Variants in MYPN observed in about 807,000 individuals in gnomAD.
MYPN encodes sarcomeric protein myopalladin, 145 kDa (MYOP).
A neutral mutation model predicts 129.4 loss-of-function variants in MYPN; 63 were observed. The observed-to-expected ratio is 0.49, with a 90% CI of 0.40 to 0.60. MYPN has a LOEUF of 0.60. Ranked by LOEUF, MYPN falls within the 20% of genes least tolerant of loss-of-function variation. The pLI is 0.00. For missense variants in MYPN, 1,596 were observed against 1,635.4 expected (o/e 0.98, Z 0.42); for synonymous variants, 629 against 600.9 (o/e 1.05, Z -0.68).
intron 1 of MYPN, among the ~76,000 whole-genome samples, chr10:68,115,201 G>A (rs1310080270): frequency 1.3e-5 from 2 of 149,024 alleles, no homozygotes; most frequent in Non-Finnish European, 3.0e-5. Flanking sequence ...AGAGGTTGCA[G>A]TGAGCGGAAA....
At chr10:68,188,703 G>T (rs1021241259) in intron 12 of MYPN, among the ~76,000 whole-genome samples, 9 of 152,146 alleles carry the variant, frequency 5.9e-5, no homozygotes, top group African/African-American at 2.2e-4. Context: ...ATTCACTAAG[G>T]CCGTGTGGGA....
At chr10:68,175,608 T>C (rs1354448082) in intron 12 of MYPN, 147 bp downstream of exon 12, 55 of 838,222 alleles carry the variant, frequency 6.6e-5, no homozygotes, top group Non-Finnish European at 6.1e-5. Context: ...AAAGGTCATG[T>C]GAGAAACCTG....
chr10:68,152,321 T>A (rs2042785189), intron 6 of MYPN, among the ~76,000 whole-genome samples: 1 of 152,170 alleles, frequency 6.6e-6, no homozygotes, highest in Non-Finnish European at 1.5e-5. Flanking sequence ...CTTCCCATCA[T>A]GACCTGAACT....
chr10:68,209,486 G>A (rs1233587422), intron 19 of MYPN, among the ~76,000 whole-genome samples: 2 of 151,980 alleles, frequency 1.3e-5, no homozygotes, highest in Non-Finnish European at 2.9e-5. Flanking sequence ...TGCTCAGAGG[G>A]GCAAACCCAT....
At position 68,194,621 on chromosome 10, in the gene MYPN, T is replaced by C. The variant is rs979154360; in HGVS notation, c.3075+109T>C. The stretch of plus-strand genomic sequence containing the variant: ...AGTTACTAAGGATTGCTGAGGAAAA[T>C]GAATGAGAAGCATTGTGATTTTGTG... On this transcript the variant is annotated intron_variant, in intron 14 of 19. Coordinates refer to ENST00000358913, the MANE Select transcript of MYPN (RefSeq NM_032578.4). 4.8e-6 allele frequency: 6 copies of C among 1,261,722 alleles called. No individual in the cohort carries two copies. In the African/African-American group the frequency reaches 7.4e-5, roughly 15 times the overall value. The allele number at this position is 1,261,722 out of a possible 1,614,324, so 78.2% of individuals were successfully genotyped here.
chr10:68,093,574 T>TA (rs34247732), intron 1 of MYPN, among the ~76,000 whole-genome samples: 17,507 of 106,602 alleles, frequency 0.16, 1,391 homozygotes, highest in Middle Eastern at 0.23. Flanking sequence ...CCATCTCTAC[T>TA]AAAAAAAAAA....
intron 19 of MYPN, among the ~76,000 whole-genome samples, chr10:68,208,630 C>T (rs2043855681): frequency 6.6e-6 from 1 of 152,202 alleles, no homozygotes; most frequent in Non-Finnish European, 1.5e-5. Context: ...TCCTGCCCTC[C>T]AGTGGCTGAG....
chr10:68,192,729 G>A (rs2043536146), intron 13 of MYPN, among the ~76,000 whole-genome samples: 1 of 151,604 alleles, frequency 6.6e-6, no homozygotes, highest in Non-Finnish European at 1.5e-5. Flanking sequence ...CTATTTCTTT[G>A]TAGTTTAGTC....
At chr10:68,108,688 A>G (rs968822846), upstream of MYPN, among the ~76,000 whole-genome samples, 1 of 152,126 alleles carries the variant, frequency 6.6e-6, no homozygotes, top group African/African-American at 2.4e-5. Flanking sequence ...CAATCAGGTT[A>G]ACTTTTTTCA....
chr10:68,113,596 C>T (rs975421340), intron 1 of MYPN, among the ~76,000 whole-genome samples: 5 of 151,310 alleles, frequency 3.3e-5, no homozygotes, highest in African/African-American at 9.7e-5. Context: ...ACTTGGGAGG[C>T]TGAGGTGGGA....
At chr10:68,112,148 C>A (rs1377823562) in intron 1 of MYPN, among the ~76,000 whole-genome samples, 3 of 152,156 alleles carry the variant, frequency 2.0e-5, no homozygotes, top group African/African-American at 7.2e-5. Flanking sequence ...ATGCCTATCA[C>A]TTTTGTGACA....
chr10:68,089,745 A>T (rs984565328), intron 1 of MYPN, among the ~76,000 whole-genome samples: 1 of 152,176 alleles, frequency 6.6e-6, no homozygotes, highest in Non-Finnish European at 1.5e-5. Flanking sequence ...CCAAAAAAGG[A>T]TCTGTAATTG....
At chr10:68,175,791 G>C (rs1320093030) in intron 12 of MYPN, among the ~76,000 whole-genome samples, 5 of 152,192 alleles carry the variant, frequency 3.3e-5, no homozygotes, top group African/African-American at 1.2e-4. Context: ...GTCTCGATCT[G>C]TCACCCAGGC....
intron 5 of MYPN, among the ~76,000 whole-genome samples, chr10:68,148,850 A>G (rs1027369058): frequency 4.6e-5 from 7 of 152,194 alleles, no homozygotes; most frequent in Admixed American, 4.6e-4. Flanking sequence ...GCAAGCATGT[A>G]GTTATTTTTT....
chr10:68,171,832 A>G (rs1490751167), intron 10 of MYPN, among the ~76,000 whole-genome samples: 2 of 152,218 alleles, frequency 1.3e-5, no homozygotes, highest in East Asian at 3.8e-4. Context: ...ACTAAGAGAA[A>G]GTCATCGAAT....
intron 3 of MYPN, among the ~76,000 whole-genome samples, chr10:68,143,417 G>A (rs1340932239): frequency 6.6e-6 from 1 of 152,036 alleles, no homozygotes; most frequent in African/African-American, 2.4e-5. Flanking sequence ...TGAGTGTAGG[G>A]GGCGGAGGAG....
At chr10:68,150,557 A>G (rs977609110) in intron 6 of MYPN, among the ~76,000 whole-genome samples, 3 of 152,176 alleles carry the variant, frequency 2.0e-5, no homozygotes, top group African/African-American at 7.2e-5. Flanking sequence ...TTTCTATTCC[A>G]TAGTATCAAC....
chr10:68,108,561 T>C (rs189761680), upstream of MYPN, among the ~76,000 whole-genome samples: 167 of 152,298 alleles, frequency 1.1e-3, no homozygotes, highest in African/African-American at 3.9e-3. Context: ...TTTCATGCTA[T>C]CAGAATCTAA....
intron 8 of MYPN, 126 bp downstream of exon 8, chr10:68,161,878 A>C: frequency 9.3e-6 from 7 of 752,034 alleles, no homozygotes; most frequent in Non-Finnish European, 8.6e-6. Context: ...AAAGATCCAA[A>C]TGGGCCGGGT....
Sources: allele counts gnomAD v4.1 joint callset (sites outside exome capture counted in the v4.1 genomes callset), GRCh38; gene constraint gnomAD v4.1.1; transcripts MANE v1.5; gene names NCBI Gene and HGNC (gene_info 2026-07-23, HGNC 2026-07-21).